The following ATP11A variants were observed in gnomAD, a reference collection of about 807,000 sequenced individuals.
ATP11A encodes ATPase phospholipid transporting 11A.
Under a neutral mutation model 154.4 loss-of-function variants are expected in ATP11A, and 81 were observed. The observed-to-expected ratio is 0.52, with a 90% CI of 0.44 to 0.63. ATP11A has a LOEUF of 0.63. ATP11A is among the 30% of genes least tolerant of loss of function. The pLI is 0.00. For synonymous variants in ATP11A, 623 were observed against 585.9 expected, an observed-to-expected ratio of 1.06 and a Z score of -0.91; for missense variants, 1,316 against 1,474.3, an observed-to-expected ratio of 0.89 and a Z score of 1.76.
chr13:112,696,038 C>G lies in ATP11A; in HGVS notation c.39+5583C>G, dbSNP rs548259504. ...GTTAGGCGTCGGAGTCTGACAGACC[C>G]ACATTCAAGTTCCGTCTCGGCTGAC... On this transcript the variant is annotated intron_variant, in intron 1 of 29. Transcript: ENST00000375645. The surrounding 1 kb of genome is among the most constrained non-coding windows in gnomAD (Gnocchi z 6.2). 2.0e-5 allele frequency among the ~76,000 whole-genome samples: 3 copies of G among 152,298 alleles called. No homozygotes were observed. The highest frequency in any genetic ancestry group is 3.9e-4 in the East Asian group (2 of 5,156).
chr13:112,727,751 T>C (rs1027265008), intron 1 of ATP11A, among the ~76,000 whole-genome samples: 35 of 152,200 alleles, frequency 2.3e-4, no homozygotes, highest in South Asian at 8.3e-4. Flanking sequence ...TGACACCAGA[T>C]TGAAATGCAG....
intron 2 of ATP11A, among the ~76,000 whole-genome samples, chr13:112,796,206 T>C (rs1001283211): frequency 6.6e-5 from 10 of 152,236 alleles, no homozygotes; most frequent in African/African-American, 2.2e-4. Context: ...CATCCAGAGC[T>C]CTTGCCTTTT....
At chr13:112,760,833 C>T (rs750323949) in intron 1 of ATP11A, among the ~76,000 whole-genome samples, 3 of 152,158 alleles carry the variant, frequency 2.0e-5, no homozygotes, top group East Asian at 1.9e-4. Context: ...GAAATTGTAA[C>T]GACACATTCC....
Position 112,851,324 on chromosome 13 carries a change from C to T in ATP11A, c.1991+106C>T, listed in dbSNP as rs113458632. Reference sequence around the variant, plus strand: ...ACGGGAGGGAGGCCATCCGCACAGCCGACGGGGCGTGTTTGCTGCTCAGGG... The same window carrying T: ...ACGGGAGGGAGGCCATCCGCACAGCTGACGGGGCGTGTTTGCTGCTCAGGG... On this transcript the variant is annotated intron_variant, in intron 18 of 29. Coordinates refer to ENST00000375645, the MANE Select transcript of ATP11A (RefSeq NM_015205.3). The T allele has an allele frequency of 3.1e-3, 3,448 of 1,120,148 alleles. 80 individuals carry two copies. The African/African-American group carries it at 0.046, about 15-fold the overall frequency. The allele number at this position is 1,120,148 out of a possible 1,614,324, so 69.4% of individuals were successfully genotyped here.
In ATP11A at chr13:112,732,076, C is replaced by T. The variant is rs143022345; in HGVS notation, c.39+41621C>T. Among the ~76,000 whole-genome samples the T allele has an allele frequency of 4.7e-3, 708 of 152,246 alleles. 29 individuals are homozygous for T. The highest frequency in any genetic ancestry group is 0.039 in the Admixed American group (603 of 15,296). ...GTGTTGTGCAGTGAGTAAAAGGCTC[C>T]GGCATGAGTTCGGTCCTGTCGGGAA... On this transcript the variant is annotated intron_variant, in intron 1 of 29. Coordinates refer to ENST00000375645, the MANE Select transcript of ATP11A (RefSeq NM_015205.3).
At chr13:112,738,925 A>T (rs917022761) in intron 1 of ATP11A, among the ~76,000 whole-genome samples, 1 of 152,114 alleles carries the variant, frequency 6.6e-6, no homozygotes, top group Non-Finnish European at 1.5e-5. Flanking sequence ...TCCTTGGGGT[A>T]GGAAGTGGCG....
intron 17 of ATP11A, among the ~76,000 whole-genome samples, chr13:112,844,297 G>T (rs2079512418): frequency 6.6e-6 from 1 of 152,210 alleles, no homozygotes; most frequent in Non-Finnish European, 1.5e-5. Context: ...GAATTGTGAT[G>T]ATTGTAAAGT....
At chr13:112,814,727 A>T (rs185345794) in intron 5 of ATP11A, among the ~76,000 whole-genome samples, 12 of 152,112 alleles carry the variant, frequency 7.9e-5, no homozygotes, top group Non-Finnish European at 1.3e-4. Flanking sequence ...GCCCATGCCC[A>T]CCAATCCCAC....
chr13:112,708,873 T>C (rs1887444893), intron 1 of ATP11A, among the ~76,000 whole-genome samples: 3 of 152,212 alleles, frequency 2.0e-5, no homozygotes, highest in Admixed American at 6.5e-5. Context: ...TCTAGGATCA[T>C]GTGCATCTGA....
chr13:112,735,890 C>T (rs1007251896), intron 1 of ATP11A, among the ~76,000 whole-genome samples: 1 of 152,238 alleles, frequency 6.6e-6, no homozygotes, highest in African/African-American at 2.4e-5. Context: ...ATCCATAAGT[C>T]CCATGGTCCG....
At chr13:112,735,324 C>T (rs778136423) in intron 1 of ATP11A, among the ~76,000 whole-genome samples, 1 of 152,120 alleles carries the variant, frequency 6.6e-6, no homozygotes, top group East Asian at 1.9e-4. Flanking sequence ...CCCCGAAAGC[C>T]GGGCATTGCA....
chr13:112,879,876 T>C (rs1224639269), intron 29 of ATP11A, among the ~76,000 whole-genome samples: 1 of 152,372 alleles, frequency 6.6e-6, no homozygotes, highest in South Asian at 2.1e-4. Context: ...GTATATGTTA[T>C]ATATGTGCGA....
In ATP11A at chr13:112,882,334, TG is replaced by T. The variant is rs1167777678; in HGVS notation, c.*471del. On this transcript the variant is annotated 3_prime_UTR_variant, in exon 30 of 30. Coordinates refer to ENST00000375645, the MANE Select transcript of ATP11A (RefSeq NM_015205.3). This position sits in a 1 kb window ranked among gnomAD's most constrained non-coding sequence, Gnocchi z 5.1. ...TGCCATCATTGGCCTTTGCTGTCAC[TG>T]GGAGAGAAGAGCCGTCCAGGGACCC... 3 of 378,870 alleles carry T rather than the reference TG, an allele frequency of 7.9e-6. No individual in the cohort carries two copies. The highest frequency in any genetic ancestry group is 6.3e-5 in the African/African-American group (3 of 47,696). The allele number at this position is 378,870 out of a possible 1,614,324, so 23.5% of individuals were successfully genotyped here.
At chr13:112,878,327 C>T (rs771750869) in intron 29 of ATP11A, 24 bp downstream of exon 29, 5 of 1,610,832 alleles carry the variant, frequency 3.1e-6, no homozygotes, top group Admixed American at 1.7e-5. Context: ...GCCTTCCACG[C>T]ACCTGGGATG....
Position 112,785,008 on chromosome 13 carries a change from T to C in ATP11A, c.40-127T>C. On this transcript the variant is annotated intron_variant, in intron 1 of 29. Transcript: ENST00000375645. The surrounding 1 kb of genome is among the most constrained non-coding windows in gnomAD (Gnocchi z 4.8). ...TGGGCCCCAGGTCTCCCTGCAGCCC[T>C]GAACGATGCTCTCAGCAGCAGGTAC... 1 of 1,241,074 alleles carries C rather than the reference T, an allele frequency of 8.1e-7. No individual in the cohort carries two copies. Among genetic ancestry groups the C allele is most frequent in the South Asian group, 2.4e-5 (1 of 42,240 alleles). 76.9% of individuals were successfully genotyped at this position (1,241,074 alleles called of 1,614,324 possible).
intron 1 of ATP11A, among the ~76,000 whole-genome samples, chr13:112,734,899 G>A (rs1890841296): frequency 6.6e-6 from 1 of 152,178 alleles, no homozygotes; most frequent in Non-Finnish European, 1.5e-5. Flanking sequence ...TCAGCGGTAG[G>A]ACCATGAATA....
At chr13:112,744,779 GT>G (rs535966553) in intron 1 of ATP11A, among the ~76,000 whole-genome samples, 119 of 152,328 alleles carry the variant, frequency 7.8e-4, no homozygotes, top group African/African-American at 2.8e-3. Context: ...TGTGTCCCAA[GT>G]TAAAACGTTG....
intron 25 of ATP11A, among the ~76,000 whole-genome samples, chr13:112,864,234 C>T (rs201168434): frequency 1.7e-4 from 19 of 108,634 alleles, no homozygotes; most frequent in African/African-American, 5.8e-4. Flanking sequence ...TAATTCAGTG[C>T]GGCCCATGCA....
rs1463968205 is a variant in ATP11A, at chr13:112,858,125, C to T, written c.2522-20C>T. The T allele has an allele frequency of 1.9e-6, 3 of 1,610,430 alleles. No homozygotes were observed. The highest frequency in any genetic ancestry group is 1.3e-5 in the African/African-American group (1 of 74,874). On this transcript the variant is annotated intron_variant, in intron 21 of 29. Coordinates refer to ENST00000375645, the MANE Select transcript of ATP11A (RefSeq NM_015205.3). ...GTGTGCAGAAAGCATTTCTTCAGCT[C>T]CTTCACCTCCGTCTTCTAGGTGTCA...
Sources: allele counts gnomAD v4.1 joint callset (sites outside exome capture counted in the v4.1 genomes callset), GRCh38; gene constraint gnomAD v4.1.1; non-coding constraint Gnocchi (gnomAD v3.1); transcripts MANE v1.5; gene names NCBI Gene and HGNC (gene_info 2026-07-23, HGNC 2026-07-21).